The following RAPGEF5 variants were observed in gnomAD, a reference collection of about 807,000 sequenced individuals.
RAPGEF5 encodes the protein M-Ras-regulated GEF.
Under a neutral mutation model 125.2 loss-of-function variants are expected in RAPGEF5, and 65 were observed. That is an observed-to-expected ratio of 0.52 (90% CI 0.43 to 0.64). RAPGEF5 has a LOEUF of 0.64. RAPGEF5 is among the 30% of genes least tolerant of loss of function. The pLI is 0.00. For missense variants in RAPGEF5, 958 were observed against 1,048.1 expected (o/e 0.91, Z 1.19); for synonymous variants, 391 against 385.9 (o/e 1.01, Z -0.16).
intron 7 of RAPGEF5, among the ~76,000 whole-genome samples, chr7:22,238,357 A>C (rs2128135710): frequency 6.6e-6 from 1 of 152,356 alleles, no homozygotes; most frequent in East Asian, 1.9e-4. Context: ...GTAAATTGAC[A>C]AATTGTAGTT....
chr7:22,200,943 A>T (rs374902872), intron 9 of RAPGEF5, among the ~76,000 whole-genome samples: 1 of 152,226 alleles, frequency 6.6e-6, no homozygotes, highest in South Asian at 2.1e-4. Flanking sequence ...TATTAGCTTG[A>T]CAGATCATTC....
At chr7:22,316,350 T>TATAG (rs55885957) in intron 2 of RAPGEF5, among the ~76,000 whole-genome samples, 29,901 of 144,832 alleles carry the variant, frequency 0.21, 3,462 homozygotes, top group African/African-American at 0.32. Flanking sequence ...GTATCTACTA[T>TATAG]ATAGATAGAT....
intron 9 of RAPGEF5, among the ~76,000 whole-genome samples, chr7:22,198,057 T>C (rs1433758323): frequency 3.3e-5 from 5 of 152,124 alleles, no homozygotes; most frequent in Non-Finnish European, 7.4e-5. Flanking sequence ...GCCCAGCTAA[T>C]TTTTTATTTT....
intron 6 of RAPGEF5, among the ~76,000 whole-genome samples, chr7:22,285,148 G>A (rs576167675): frequency 2.6e-5 from 4 of 152,018 alleles, no homozygotes; most frequent in Non-Finnish European, 4.4e-5. Flanking sequence ...CGGGAGCCGC[G>A]GCTCACAGCT....
At chr7:22,161,171 T>C (rs1166336266) in intron 13 of RAPGEF5, among the ~76,000 whole-genome samples, 2 of 152,144 alleles carry the variant, frequency 1.3e-5, no homozygotes, top group African/African-American at 2.4e-5. Context: ...ATCGCGCCAC[T>C]GCACTCCAGC....
intron 7 of RAPGEF5, among the ~76,000 whole-genome samples, chr7:22,257,195 G>A (rs559256980): frequency 2.0e-5 from 3 of 152,088 alleles, no homozygotes; most frequent in Admixed American, 6.5e-5. Flanking sequence ...CTTCTGTCAA[G>A]CTCCAGATGT....
chr7:22,150,484 T>C lies in RAPGEF5; in HGVS notation c.1807A>G (p.Asn603Asp), dbSNP rs772158832. The C allele has an allele frequency of 1.3e-6, 2 of 1,596,572 alleles. No individual in the cohort carries two copies. Among genetic ancestry groups the C allele is most frequent in the Non-Finnish European group, 1.7e-6 (2 of 1,174,426 alleles). ...AGGGATTTGGAGATGACTAAGTCAT[T>C]TGGCTGAAGTTCATGCTTTTCTTTA... is the stretch of plus-strand genomic sequence containing the variant. The part of the protein sequence containing the change: ...FSGEKHELQP[N>D]DLVISKSLEA... Residue 603 changes from asparagine to aspartate, a missense_variant, in exon 18 of 26, where the codon AAT becomes GAT. Coordinates refer to ENST00000665637, the MANE Select transcript of RAPGEF5 (RefSeq NM_012294.5).
Position 22,118,356 on chromosome 7 carries a change from A to G in RAPGEF5, c.*4050T>C, listed in dbSNP as rs1311719208. The G allele has an allele frequency of 1.3e-5, 2 of 152,620 alleles. No individual in the cohort carries two copies. Among genetic ancestry groups the G allele is most frequent in the Admixed American group, 6.6e-5 (1 of 15,266 alleles). The allele number at this position is 152,620 out of a possible 1,614,324, so 9.5% of individuals were successfully genotyped here. A position where few individuals can be genotyped will look rare whatever the true frequency, so the allele number is the denominator to read the frequency against. ...GAAAAGCAGTTTTAAAAAAAAATTG[A>G]AAATACAAGATAAGGTAAGGGTTAC... On this transcript the variant is annotated 3_prime_UTR_variant, in exon 26 of 26. Coordinates refer to ENST00000665637, the MANE Select transcript of RAPGEF5 (RefSeq NM_012294.5).
At chr7:22,248,095 G>C (rs1786525490) in intron 7 of RAPGEF5, among the ~76,000 whole-genome samples, 1 of 152,082 alleles carries the variant, frequency 6.6e-6, no homozygotes, top group Non-Finnish European at 1.5e-5. Flanking sequence ...TAAAAAACCT[G>C]CACGTGTACC....
At chr7:22,202,758 C>A (rs1297842509) in intron 9 of RAPGEF5, among the ~76,000 whole-genome samples, 1 of 152,166 alleles carries the variant, frequency 6.6e-6, no homozygotes. Flanking sequence ...AAACGGATAT[C>A]CACCAAAGCA....
chr7:22,251,775 C>CAAAAAAAAAA lies in RAPGEF5; in HGVS notation c.796+15179_796+15188dup, dbSNP rs58681076. The stretch of plus-strand genomic sequence containing the variant: ...GAGCCCTGCCAGGAAGTTTCATTGA[C>CAAAAAAAAAA]AAAAAAAAAAAAAAAAAAAAAAAAG... On this transcript the variant is annotated intron_variant, in intron 7 of 25. Coordinates refer to ENST00000665637, the MANE Select transcript of RAPGEF5 (RefSeq NM_012294.5). Among the ~76,000 whole-genome samples, 23 of 73,344 alleles carry CAAAAAAAAAA rather than the reference C, an allele frequency of 3.1e-4. 4 individuals carry two copies. The highest frequency in any genetic ancestry group is 6.8e-4 in the African/African-American group (13 of 19,232). 48.1% of individuals were successfully genotyped at this position (73,344 alleles called of 152,430 possible). A position where few individuals can be genotyped will look rare whatever the true frequency, so the allele number is the denominator to read the frequency against.
chr7:22,132,422 G>A (rs1782942886), intron 23 of RAPGEF5, among the ~76,000 whole-genome samples: 1 of 150,648 alleles, frequency 6.6e-6, no homozygotes, highest in South Asian at 2.1e-4. Context: ...GTAGGAAAAC[G>A]ATTCACAACT....
Position 22,236,718 on chromosome 7 carries a change from C to T in RAPGEF5, c.797-5799G>A, listed in dbSNP as rs1363008986. On this transcript the variant is annotated intron_variant, in intron 7 of 25. Transcript: ENST00000665637. ...CCTCCATCCATTCTCCACACAATTG[C>T]CGGAGTTCCATCCCCAGAATGGAAG... is the stretch of plus-strand genomic sequence containing the variant. 2.0e-5 allele frequency among the ~76,000 whole-genome samples: 3 copies of T among 152,182 alleles called. No homozygotes were observed. In the East Asian group the frequency reaches 5.8e-4, roughly 29 times the overall value.
At chr7:22,162,338 A>G (rs73079618) in intron 13 of RAPGEF5, 59 bp downstream of exon 13, 105,302 of 1,477,922 alleles carry the variant, frequency 0.071, 4,177 homozygotes, top group Admixed American at 0.11. Context: ...TTTAAAATGC[A>G]TAACTAAAAA....
At chr7:22,170,010 C>T in intron 11 of RAPGEF5, among the ~76,000 whole-genome samples, 1 of 135,586 alleles carries the variant, frequency 7.4e-6, no homozygotes, top group South Asian at 2.4e-4. Context: ...GACTCTGTCT[C>T]AAAAAAAAAA....
intron 9 of RAPGEF5, chr7:22,202,975 C>A: frequency 7.3e-6 from 2 of 272,882 alleles, no homozygotes; most frequent in South Asian, 3.1e-5. Flanking sequence ...AGTATACTAA[C>A]ACTGAAGTAT....
intron 9 of RAPGEF5, among the ~76,000 whole-genome samples, chr7:22,217,791 C>A (rs1239562494): frequency 3.3e-5 from 5 of 152,130 alleles, no homozygotes; most frequent in Admixed American, 6.5e-5. Flanking sequence ...GCTGTTAATG[C>A]ACCCATGATA....
At chr7:22,277,983 C>A (rs532795159) in intron 6 of RAPGEF5, among the ~76,000 whole-genome samples, 2 of 152,114 alleles carry the variant, frequency 1.3e-5, no homozygotes, top group African/African-American at 4.8e-5. Flanking sequence ...CCATTTTACC[C>A]GTTACAGAAT....
chr7:22,280,612 T>TA (rs1287308831), intron 6 of RAPGEF5, among the ~76,000 whole-genome samples: 2 of 152,190 alleles, frequency 1.3e-5, no homozygotes, highest in African/African-American at 2.4e-5. Context: ...AGGAAACTGG[T>TA]AAAAAAGGGT....
Sources: allele counts gnomAD v4.1 joint callset (sites outside exome capture counted in the v4.1 genomes callset), GRCh38; gene constraint gnomAD v4.1.1; transcripts MANE v1.5; gene names NCBI Gene and HGNC (gene_info 2026-07-23, HGNC 2026-07-21).